Variants in FMN1 observed in about 807,000 individuals in gnomAD.
FMN1 encodes formin-1.
FMN1 carries 110 observed loss-of-function variants against 132.4 expected under a neutral mutation model. That is an observed-to-expected ratio of 0.83 (90% CI 0.71 to 0.97). FMN1 has a LOEUF of 0.97. Among genes scored for constraint, FMN1 ranks in the 50% least tolerant of loss-of-function variants. The pLI is 0.00. For missense variants in FMN1, 1,792 were observed against 1,705.3 expected (o/e 1.05, Z -0.90); for synonymous variants, 722 against 651.7 (o/e 1.11, Z -1.64).
chr15:32,899,448 GC>G (rs980430421), intron 14 of FMN1, among the ~76,000 whole-genome samples: 3 of 152,148 alleles, frequency 2.0e-5, no homozygotes, highest in Non-Finnish European at 4.4e-5. Flanking sequence ...GCACCCCCCT[GC>G]CCCCCATGGG....
At chr15:33,082,020 G>GGGGTGTGTGTGTGTGTGTGTGT (rs1355703560) in intron 5 of FMN1, among the ~76,000 whole-genome samples, 3 of 117,762 alleles carry the variant, frequency 2.5e-5, no homozygotes, top group African/African-American at 1.0e-4. Context: ...AGAGTTCAGG[G>GGGGTGTGTGTGTGTGTGTGTGT]GTGTGTGTGT....
In FMN1 at chr15:33,022,518, C is replaced by T. The variant is rs77588301; in HGVS notation, c.2162-14443G>A. Among the ~76,000 whole-genome samples, 608 of 152,312 alleles carry T rather than the reference C, an allele frequency of 4.0e-3. 2 individuals carry two copies. The highest frequency in any genetic ancestry group is 0.014 in the African/African-American group (591 of 41,548). Reference sequence around the variant, plus strand: ...AAAAGTTAAAAGTGTCCCAACAGACCTCCAGTTGTTAAAGGTTCACATTTT... The same window carrying T: ...AAAAGTTAAAAGTGTCCCAACAGACTTCCAGTTGTTAAAGGTTCACATTTT... On this transcript the variant is annotated intron_variant, in intron 6 of 20. Transcript: ENST00000616417.
chr15:32,968,630 G>A, intron 8 of FMN1, 84 bp downstream of exon 8: 2 of 1,580,396 alleles, frequency 1.3e-6, no homozygotes, highest in Non-Finnish European at 1.7e-6. Context: ...ACACTATGGA[G>A]ATATTGACCC....
intron 15 of FMN1, among the ~76,000 whole-genome samples, chr15:32,893,629 A>G (rs935332343): frequency 4.6e-5 from 7 of 152,240 alleles, no homozygotes; most frequent in Admixed American, 4.6e-4. Flanking sequence ...AGGCTCCTAG[A>G]GGAAAGGGCC....
chr15:32,912,776 C>A (rs893257367), intron 10 of FMN1, among the ~76,000 whole-genome samples: 1 of 151,812 alleles, frequency 6.6e-6, no homozygotes, highest in African/African-American at 2.4e-5. Context: ...ATGGACAGAG[C>A]AAAATTTACT....
intron 6 of FMN1, among the ~76,000 whole-genome samples, chr15:33,034,393 A>G (rs1477076254): frequency 1.3e-5 from 2 of 152,086 alleles, no homozygotes; most frequent in Non-Finnish European, 2.9e-5. Flanking sequence ...TGGGCAACAT[A>G]GAAGACCTTA....
chr15:32,989,785 A>C (rs958928091), intron 7 of FMN1, among the ~76,000 whole-genome samples: 1 of 152,282 alleles, frequency 6.6e-6, no homozygotes. Context: ...ATATGAAACC[A>C]CAGAGCCCAG....
chr15:33,080,024 C>T (rs1014412287), intron 5 of FMN1, among the ~76,000 whole-genome samples: 2 of 152,174 alleles, frequency 1.3e-5, no homozygotes, highest in Non-Finnish European at 2.9e-5. Context: ...GACATGTACT[C>T]ACAACATACA....
At position 33,121,294 on chromosome 15, in the gene FMN1, G is replaced by C. The variant is rs377482374; in HGVS notation, c.1867+31754C>G. ...TGATTCTGAGTTTCAATACCACAATGACCAATTACTTTGTACCTCTGCTCC... is the reference window on the plus strand; with the variant it reads ...TGATTCTGAGTTTCAATACCACAATCACCAATTACTTTGTACCTCTGCTCC... On this transcript the variant is annotated intron_variant, in intron 4 of 20. Transcript: ENST00000616417. Among the ~76,000 whole-genome samples, 11 of 152,292 alleles carry C rather than the reference G, an allele frequency of 7.2e-5. No individual in the cohort carries two copies. In the East Asian group the frequency reaches 1.3e-3, roughly 19 times the overall value.
At chr15:32,907,594 T>C (rs2060458030) in intron 12 of FMN1, among the ~76,000 whole-genome samples, 1 of 152,144 alleles carries the variant, frequency 6.6e-6, no homozygotes, top group Non-Finnish European at 1.5e-5. Flanking sequence ...GGAACTCCAG[T>C]GCAAGCCGGA....
chr15:33,029,385 GGAGA>G (rs991840345), intron 6 of FMN1, among the ~76,000 whole-genome samples: 2 of 151,978 alleles, frequency 1.3e-5, no homozygotes, highest in Admixed American at 6.6e-5. Context: ...CAGGGTAAAG[GGAGA>G]GAGAGAGAGA....
At chr15:33,138,533 A>C (rs1179610356) in intron 4 of FMN1, among the ~76,000 whole-genome samples, 1 of 152,118 alleles carries the variant, frequency 6.6e-6, no homozygotes, top group African/African-American at 2.4e-5. Flanking sequence ...CAATGTGGGC[A>C]TACAGAGGCT....
rs1454691650 is a variant in FMN1, at chr15:33,155,009, G to C, written c.-95C>G. 4 of 972,390 alleles carry C rather than the reference G, an allele frequency of 4.1e-6. No individual in the cohort carries two copies. Among genetic ancestry groups the C allele is most frequent in the Admixed American group, 2.8e-5 (1 of 35,110 alleles). 60.2% of individuals were successfully genotyped at this position (972,390 alleles called of 1,614,324 possible). Reference sequence around the variant, plus strand: ...AGGCATGTGATGGTGGCTATGCAGAGAAAGCAGCTGACAGTCATCTCCAGC... The same window carrying C: ...AGGCATGTGATGGTGGCTATGCAGACAAAGCAGCTGACAGTCATCTCCAGC... On this transcript the variant is annotated 5_prime_UTR_variant, in exon 4 of 21. Coordinates refer to ENST00000616417, the MANE Select transcript of FMN1 (RefSeq NM_001277313.2).
At chr15:33,120,148 A>T (rs1479259540) in intron 4 of FMN1, among the ~76,000 whole-genome samples, 1 of 152,244 alleles carries the variant, frequency 6.6e-6, no homozygotes, top group Non-Finnish European at 1.5e-5. Flanking sequence ...CCAAGTGACC[A>T]ATGGAGAGCA....
Position 33,154,771 on chromosome 15 carries a change from A to G in FMN1, c.144T>C (p.His48=). 1 of 1,536,108 alleles carries G rather than the reference A, an allele frequency of 6.5e-7. No individual in the cohort carries two copies. The highest frequency in any genetic ancestry group is 1.2e-5 in the South Asian group (1 of 84,058). Residue 48 remains histidine, a synonymous_variant, in exon 4 of 21, where the codon CAT becomes CAC. Coordinates refer to ENST00000616417, the MANE Select transcript of FMN1 (RefSeq NM_001277313.2). Reference sequence around the variant, plus strand: ...ACTCCTCCCTGACTTGGTAGCAGTTATGAAAACCTTTATTGGATCTGTCTA... The same window carrying G: ...ACTCCTCCCTGACTTGGTAGCAGTTGTGAAAACCTTTATTGGATCTGTCTA... The part of the protein sequence containing the change: ...VTLDRSNKGF[H]NCYQVREESD...
At chr15:33,166,324 C>CTTTTTCT (rs531710636) in intron 3 of FMN1, among the ~76,000 whole-genome samples, 3 of 144,248 alleles carry the variant, frequency 2.1e-5, no homozygotes, top group Admixed American at 1.4e-4. Context: ...TTTTCTTTTT[C>CTTTTTCT]TTTTTTTTTT....
At position 32,891,514 on chromosome 15, in the gene FMN1, G is replaced by A. The variant is rs141115474; in HGVS notation, c.3715-3222C>T. On this transcript the variant is annotated intron_variant, in intron 15 of 20. Transcript: ENST00000616417. ...CGGCATTCCAACTGGGATTACAGGC[G>A]TGAGCCACCGTGTCCAGCCTAGAGT... Among the ~76,000 whole-genome samples the A allele has an allele frequency of 2.4e-4, 36 of 152,340 alleles. No individual in the cohort carries two copies. In the East Asian group the frequency reaches 6.4e-3, roughly 27 times the overall value.
intron 6 of FMN1, among the ~76,000 whole-genome samples, chr15:33,015,652 C>G (rs2035000904): frequency 6.6e-6 from 1 of 152,120 alleles, no homozygotes; most frequent in African/African-American, 2.4e-5. Flanking sequence ...GTGCCTCTCA[C>G]TGGCCTTTAC....
At chr15:32,791,818 G>A (rs2057089583) in intron 19 of FMN1, among the ~76,000 whole-genome samples, 1 of 152,206 alleles carries the variant, frequency 6.6e-6, no homozygotes, top group Non-Finnish European at 1.5e-5. Context: ...GGGAGCCTAA[G>A]AGGAATAGGC....
Sources: gnomAD v4.1 joint callset for allele counts (sites outside exome capture counted in the v4.1 genomes callset) on GRCh38, gnomAD v4.1.1 for gene constraint, MANE v1.5 for transcripts, NCBI Gene and HGNC (gene_info 2026-07-23, HGNC 2026-07-21) for gene names.